HOXB3: variants seen among roughly 807,000 people sequenced by gnomAD.
The protein encoded by HOXB3 is homeobox protein Hox-B3.
In HOXB3, 17 loss-of-function variants were observed where a neutral mutation model predicts 29.2. The ratio of observed to expected loss-of-function variants is 0.58; its 90% confidence interval spans 0.40 to 0.87. The LOEUF is 0.87. Ranked by LOEUF, HOXB3 falls within the 40% of genes least tolerant of loss-of-function variation. HOXB3 has a pLI of 0.00. For synonymous variants in HOXB3, 317 were observed against 285.9 expected (o/e 1.11, Z -1.10); for missense variants, 637 against 616.3 (o/e 1.03, Z -0.35).
In HOXB3 at chr17:48,552,486, G is replaced by T. The variant is rs2068794974; in HGVS notation, c.-12C>A. ...GTGGCTTTCTGCATCGCTGGGTGAG[G>T]CCTGGGCAGTGGGTGGCAACTTGGA... On this transcript the variant is annotated 5_prime_UTR_variant, in exon 4 of 5. Coordinates refer to ENST00000498678, the MANE Select transcript of HOXB3 (RefSeq NM_001384749.1). 2 of 1,550,148 alleles carry T rather than the reference G, an allele frequency of 1.3e-6. No homozygotes were observed. Among genetic ancestry groups the T allele is most frequent in the South Asian group, 2.5e-5 (2 of 80,616 alleles).
At chr17:48,565,343 C>T (rs1178312976) in intron 2 of HOXB3, among the ~76,000 whole-genome samples, 1 of 152,226 alleles carries the variant, frequency 6.6e-6, no homozygotes, top group Non-Finnish European at 1.5e-5. Flanking sequence ...CAAGGGCCTA[C>T]TCTAGAGGCA....
intron 2 of HOXB3, among the ~76,000 whole-genome samples, chr17:48,563,426 TG>T (rs991990788): frequency 9.9e-5 from 15 of 152,208 alleles, no homozygotes; most frequent in Non-Finnish European, 1.2e-4. Context: ...AAGCCCCACC[TG>T]GAGTACATAC....
intron 3 of HOXB3, 101 bp downstream of exon 3, chr17:48,555,430 T>A (rs2068945862): frequency 1.4e-6 from 1 of 694,402 alleles, no homozygotes; most frequent in African/African-American, 1.8e-5. Flanking sequence ...TTAAAGCTTG[T>A]GAACTCTTCT....
chr17:48,579,851 T>G, intron 1 of HOXB3: 1 of 510,090 alleles, frequency 2.0e-6, no homozygotes, highest in South Asian at 1.5e-5. Context: ...GCGGAGTGTT[T>G]ATGTCAACTA....
At chr17:48,566,885 C>T (rs1477933810) in intron 2 of HOXB3, among the ~76,000 whole-genome samples, 1 of 152,156 alleles carries the variant, frequency 6.6e-6, no homozygotes, top group Non-Finnish European at 1.5e-5. Flanking sequence ...GCCTCTCACA[C>T]TGAATGTGTG....
intron 2 of HOXB3, among the ~76,000 whole-genome samples, chr17:48,573,444 AG>A: frequency 6.6e-6 from 1 of 152,174 alleles, no homozygotes. Context: ...GCAGAGTCAC[AG>A]GAACACACCG....
chr17:48,550,978 G>C lies in HOXB3; in HGVS notation c.652C>G (p.Arg218Gly). The C allele has an allele frequency of 6.2e-7, 1 of 1,613,746 alleles. No homozygotes were observed. The highest frequency in any genetic ancestry group is 8.5e-7 in the Non-Finnish European group (1 of 1,179,808). The change falls in exon 5 of 5, where the codon CGT becomes GGT. Residue 218 changes from arginine (R) to glycine (G), a missense_variant. Physicochemically the swap from Arg to Gly is moderately radical, Grantham distance 125. Transcript: ENST00000498678. ...TTCAGCAGGTTGGCCATCTCTACAC[G>C]GCGAGGCCGGCACAGGTAGCGGTTA... ...HFNRYLCRPR[R>G]VEMANLLNLS...
Position 48,550,339 on chromosome 17 carries a change from G to C in HOXB3, c.1291C>G (p.Leu431Val). Residue 431 changes from leucine (L) to valine (V), a missense_variant, in exon 5 of 5, where the codon CTG (leucine) becomes GTG (valine). By Grantham distance (32) the Leu-to-Val change is conservative. Transcript: ENST00000498678. ...RIQEAPKLTH[L>V] Reference sequence around the variant, plus strand: ...TCCTCGTTCGCCCTTTCCCATCACAGGTGTGTTAATTTGGGCGCTTCTTGG... The same window carrying C: ...TCCTCGTTCGCCCTTTCCCATCACACGTGTGTTAATTTGGGCGCTTCTTGG... 6.2e-7 allele frequency: 1 copy of C among 1,613,966 alleles called. No individual in the cohort carries two copies. Among genetic ancestry groups the C allele is most frequent in the Non-Finnish European group, 8.5e-7 (1 of 1,180,020 alleles).
intron 2 of HOXB3, among the ~76,000 whole-genome samples, chr17:48,572,705 T>C (rs541036570): frequency 2.0e-4 from 31 of 152,296 alleles, no homozygotes; most frequent in African/African-American, 6.3e-4. Flanking sequence ...TTTACGTTTT[T>C]TTCCCCCAGT....
In HOXB3 at chr17:48,578,146, C is replaced by G. The variant is rs1212863514; in HGVS notation, c.-424-4132G>C. The G allele has an allele frequency of 3.8e-6, 6 of 1,577,414 alleles. No homozygotes were observed. The African/African-American group carries it at 5.4e-5, about 14-fold the overall frequency. ...CCGCGTAGCGCTGCACGGTGCACGC[C>G]GCGCGCCGCCCGAAGCCCGCCTCCG... On this transcript the variant is annotated intron_variant, in intron 1 of 4. Coordinates refer to ENST00000498678, the MANE Select transcript of HOXB3 (RefSeq NM_001384749.1).
intron 2 of HOXB3, among the ~76,000 whole-genome samples, chr17:48,563,236 G>A (rs1042815630): frequency 2.0e-5 from 3 of 152,226 alleles, no homozygotes; most frequent in Non-Finnish European, 4.4e-5. Context: ...GGCCAAGTGG[G>A]CTCTGCTGCA....
chr17:48,577,540 T>C (rs1403783588), intron 1 of HOXB3, among the ~76,000 whole-genome samples: 1 of 152,186 alleles, frequency 6.6e-6, no homozygotes, highest in Non-Finnish European at 1.5e-5. Context: ...CTCCTCCTCC[T>C]TCTCCTCCTC....
At chr17:48,576,988 G>T in intron 1 of HOXB3, 2 of 1,608,136 alleles carry the variant, frequency 1.2e-6, no homozygotes, top group Non-Finnish European at 1.7e-6. Flanking sequence ...GTCCGAGAGC[G>T]CTTGGGCTCC....
rs946920755 is a variant in HOXB3 at position 48,554,621 on chromosome 17, C to T, written c.-159+910G>A. 5.7e-6 allele frequency: 4 copies of T among 701,888 alleles called. No homozygotes were observed. Among genetic ancestry groups the T allele is most frequent in the Admixed American group, 2.0e-5 (1 of 50,016 alleles). 43.5% of individuals were successfully genotyped at this position (701,888 alleles called of 1,614,324 possible). On this transcript the variant is annotated intron_variant, in intron 3 of 4. Transcript: ENST00000498678. The surrounding 1 kb of genome is among the most constrained non-coding windows in gnomAD (Gnocchi z 4.1). ...TGCCGCGGCGACTGGCGACAAGCTA[C>T]CAGCCACCTACGATGGCCCAAGGAG...
chr17:48,558,863 C>A (rs1321508952), intron 2 of HOXB3, among the ~76,000 whole-genome samples: 2 of 151,592 alleles, frequency 1.3e-5, no homozygotes, highest in African/African-American at 4.9e-5. Context: ...GAAGAGGGAA[C>A]AATTTCTTCT....
intron 2 of HOXB3, among the ~76,000 whole-genome samples, chr17:48,571,302 C>T (rs1013461970): frequency 2.0e-5 from 3 of 152,244 alleles, no homozygotes; most frequent in African/African-American, 7.2e-5. Flanking sequence ...CAACCAGACC[C>T]CCTCCCCAGC....
rs778112969 is a variant in HOXB3 at position 48,550,810 on chromosome 17, C to T, written c.820G>A (p.Gly274Ser). ...SPPQPMQSTA[G>S]FMNALHSMTP... is the part of the protein sequence containing the mutation. Reference sequence around the variant, plus strand: ...ATGGAGTGTAAGGCGTTCATGAAGCCGGCCGTGGACTGCATGGGCTGCGGG... The same window carrying T: ...ATGGAGTGTAAGGCGTTCATGAAGCTGGCCGTGGACTGCATGGGCTGCGGG... The change falls in exon 5 of 5, where the codon GGC (glycine) becomes AGC (serine). Residue 274 changes from glycine (G) to serine (S), a missense_variant. Transcript: ENST00000498678. The T allele has an allele frequency of 2.5e-6, 4 of 1,613,316 alleles. No homozygotes were observed. The highest frequency in any genetic ancestry group is 4.5e-5 in the East Asian group (2 of 44,858).
chr17:48,589,156 A>G (rs2070100920), intron 1 of HOXB3, among the ~76,000 whole-genome samples: 1 of 152,212 alleles, frequency 6.6e-6, no homozygotes, highest in Non-Finnish European at 1.5e-5. Context: ...TTATGGTTCT[A>G]CAAAACAAAG....
In HOXB3 at chr17:48,552,044, T is replaced by G; in HGVS notation, c.431A>C (p.Asn144Thr). The change falls in exon 4 of 5, where the codon AAC becomes ACC. Residue 144 changes from asparagine (N) to threonine (T), a missense_variant. Physicochemically the swap from Asn to Thr is moderately conservative, Grantham distance 65. Transcript: ENST00000498678. ...KESRQTSKLK[N>T]NSPGTAEGCG... is the part of the protein sequence containing the mutation. ...ACTGGTACCTGTGCCGGGGGAGTTG[T>G]TTTTCAGCTTGGACGTTTGCCTCGA... 1 of 1,580,190 alleles carries G rather than the reference T, an allele frequency of 6.3e-7. No individual in the cohort carries two copies. Among genetic ancestry groups the G allele is most frequent in the Non-Finnish European group, 8.6e-7 (1 of 1,158,910 alleles).
Sources: gnomAD v4.1 joint callset for allele counts (sites outside exome capture counted in the v4.1 genomes callset) on GRCh38, gnomAD v4.1.1 for gene constraint, Gnocchi (gnomAD v3.1) non-coding constraint, MANE v1.5 for transcripts, NCBI Gene and HGNC (gene_info 2026-07-23, HGNC 2026-07-21) for gene names.